Variants in QTGAL observed in about 807,000 individuals in gnomAD.
QTGAL encodes the protein queuosine-tRNA galactosyltransferase.
chr17:83,016,962 C>T, the QTGAL span, among the ~76,000 whole-genome samples: 29 of 152,350 alleles, frequency 1.9e-4, no homozygotes, highest in Admixed American at 7.2e-4. Context: ...CCCCGATGCC[C>T]CAAGCCCAGG....
the QTGAL span, among the ~76,000 whole-genome samples, chr17:82,985,187 T>A: frequency 6.6e-6 from 1 of 152,244 alleles, no homozygotes; most frequent in Non-Finnish European, 1.5e-5. Flanking sequence ...GTGTTAATTT[T>A]ACACAGCTCT....
the QTGAL span, among the ~76,000 whole-genome samples, chr17:82,987,190 A>C: frequency 6.6e-6 from 1 of 152,264 alleles, no homozygotes. Flanking sequence ...CCTTTATCAA[A>C]ATATCTCATG....
At chr17:82,961,508 C>T in the QTGAL span, among the ~76,000 whole-genome samples, 1 of 152,196 alleles carries the variant, frequency 6.6e-6, no homozygotes, top group African/African-American at 2.4e-5. Context: ...GGGTCAGGGT[C>T]TCACAGCCAC....
At chr17:83,010,351 G>A in the QTGAL span, among the ~76,000 whole-genome samples, 11 of 152,178 alleles carry the variant, frequency 7.2e-5, no homozygotes, top group African/African-American at 2.7e-4. Flanking sequence ...CCCGGAGGCA[G>A]CCGTCCAGTG....
At chr17:83,002,122 T>G in the QTGAL span, among the ~76,000 whole-genome samples, 1 of 152,010 alleles carries the variant, frequency 6.6e-6, no homozygotes, top group African/African-American at 2.4e-5. Context: ...TTGTTTTAAG[T>G]GAATACAGTA....
chr17:82,958,607 G>A, the QTGAL span, among the ~76,000 whole-genome samples: 8,752 of 152,246 alleles, frequency 0.057, 574 homozygotes, highest in African/African-American at 0.16. Flanking sequence ...AATGGGATGG[G>A]GGGGATGGGG....
the QTGAL span, chr17:82,947,099 G>A: frequency 1.2e-6 from 1 of 808,732 alleles, no homozygotes. Flanking sequence ...CAAGTGTTCT[G>A]CTCCTCTGCT....
At chr17:83,010,694 C>T in the QTGAL span, among the ~76,000 whole-genome samples, 10 of 152,364 alleles carry the variant, frequency 6.6e-5, no homozygotes, top group South Asian at 2.1e-4. Context: ...TAAGTTAACA[C>T]GCAGCTTCTT....
chr17:82,965,777 G>A, the QTGAL span: 31 of 1,575,314 alleles, frequency 2.0e-5, no homozygotes, highest in African/African-American at 3.8e-4. Flanking sequence ...CAGAGTTAGC[G>A]GAAAAGAACA....
the QTGAL span, among the ~76,000 whole-genome samples, chr17:83,032,164 G>T: frequency 2.5e-3 from 156 of 61,608 alleles, no homozygotes; most frequent in African/African-American, 7.8e-3. Context: ...GGCCTCCGAC[G>T]CAGACCGAAC....
the QTGAL span, among the ~76,000 whole-genome samples, chr17:83,044,531 A>C: frequency 6.6e-6 from 1 of 152,388 alleles, no homozygotes; most frequent in South Asian, 2.1e-4. Flanking sequence ...CTAACGTCAT[A>C]TTCAAAGGTG....
At chr17:83,045,926 C>T in the QTGAL span, among the ~76,000 whole-genome samples, 2 of 151,942 alleles carry the variant, frequency 1.3e-5, no homozygotes, top group Non-Finnish European at 2.9e-5. Flanking sequence ...CGGGTTCAAG[C>T]AATTCTTCTG....
the QTGAL span, among the ~76,000 whole-genome samples, chr17:82,969,356 G>A: frequency 0.014 from 784 of 57,754 alleles, 1 homozygote; most frequent in South Asian, 0.04. Context: ...ACAGGGTTTC[G>A]CTACATTGCC....
chr17:82,970,097 AG>A, the QTGAL span, among the ~76,000 whole-genome samples: 2 of 152,218 alleles, frequency 1.3e-5, no homozygotes, highest in Non-Finnish European at 2.9e-5. Flanking sequence ...CGCACATCAA[AG>A]CTTTGGTGCT....
the QTGAL span, among the ~76,000 whole-genome samples, chr17:83,027,027 A>G: frequency 9.4e-5 from 14 of 149,688 alleles, no homozygotes; most frequent in African/African-American, 2.7e-4. Flanking sequence ...GAGCCTGCAG[A>G]CAAACCCACC....
the QTGAL span, among the ~76,000 whole-genome samples, chr17:83,008,163 G>A: frequency 1.3e-5 from 2 of 149,764 alleles, no homozygotes; most frequent in Non-Finnish European, 3.0e-5. Flanking sequence ...TGTGGGCACC[G>A]CACCTAGCAC....
chr17:82,956,637 C>T, the QTGAL span: 1 of 1,479,022 alleles, frequency 6.8e-7, no homozygotes, highest in Non-Finnish European at 9.1e-7. This position sits in a 1 kb window ranked among gnomAD's most constrained non-coding sequence, Gnocchi z 5.7. Context: ...GGCGGGTTGT[C>T]CAGGTGGCAG....
At chr17:83,039,247 G>C in the QTGAL span, among the ~76,000 whole-genome samples, 1 of 145,692 alleles carries the variant, frequency 6.9e-6, no homozygotes, top group East Asian at 2.1e-4. Flanking sequence ...ACACTGCTGG[G>C]CGCCCGCCGC....
chr17:82,963,264 C>T, the QTGAL span, among the ~76,000 whole-genome samples: 4 of 152,098 alleles, frequency 2.6e-5, no homozygotes, highest in African/African-American at 9.7e-5. Flanking sequence ...AAAAGGAAGC[C>T]GAGTCAGGGA....
Sources: allele counts gnomAD v4.1 joint callset (sites outside exome capture counted in the v4.1 genomes callset), GRCh38; gene constraint gnomAD v4.1.1; non-coding constraint Gnocchi (gnomAD v3.1); transcripts MANE v1.5; gene names NCBI Gene and HGNC (gene_info 2026-07-23, HGNC 2026-07-21).